The following NOD1 variants were observed in gnomAD, a reference collection of about 807,000 sequenced individuals.
The protein encoded by NOD1 is nucleotide-binding oligomerization domain-containing protein 1.
Under a neutral mutation model 81.2 loss-of-function variants are expected in NOD1, and 70 were observed. That is an observed-to-expected ratio of 0.86 (90% CI 0.71 to 1.05). The LOEUF is 1.05. Among genes scored for constraint, NOD1 ranks in the 50% least tolerant of loss-of-function variants. The probability of loss-of-function intolerance (pLI) is 0.00; values close to 1 mark genes in which losing one functional copy is unlikely to be tolerated. For synonymous variants in NOD1, 508 were observed against 526.9 expected, an observed-to-expected ratio of 0.96 and a Z score of 0.49; for missense variants, 1,233 against 1,228.0, an observed-to-expected ratio of 1.00 and a Z score of -0.06.
chr7:30,446,834 C>T (rs975289741), intron 8 of NOD1, 133 bp downstream of exon 8: 1 of 715,832 alleles, frequency 1.4e-6, no homozygotes, highest in Admixed American at 2.9e-5. Flanking sequence ...GGTATCTTTA[C>T]TTGACCAACA....
chr7:30,465,855 A>T (rs867691563), intron 1 of NOD1, among the ~76,000 whole-genome samples: 4 of 152,214 alleles, frequency 2.6e-5, no homozygotes, highest in Admixed American at 2.0e-4. Context: ...CCATTCTGTA[A>T]GTTTTTCTAC....
At chr7:30,426,705 C>T (rs537567778) in intron 13 of NOD1, among the ~76,000 whole-genome samples, 33 of 152,128 alleles carry the variant, frequency 2.2e-4, no homozygotes, top group Non-Finnish European at 3.8e-4. Flanking sequence ...CCAGTCCCTG[C>T]CTATCTCCTC....
chr7:30,462,360 A>G (rs976768065), intron 1 of NOD1, among the ~76,000 whole-genome samples: 1 of 151,552 alleles, frequency 6.6e-6, no homozygotes, highest in Non-Finnish European at 1.5e-5. Flanking sequence ...GACTCTGAAA[A>G]CTTTCTATTT....
At chr7:30,477,206 C>T (rs911790249) in intron 1 of NOD1, among the ~76,000 whole-genome samples, 2 of 152,224 alleles carry the variant, frequency 1.3e-5, no homozygotes, top group Non-Finnish European at 2.9e-5. Flanking sequence ...ACTCTTCTTA[C>T]AATATTTGAA....
Position 30,460,719 on chromosome 7 carries a change from G to A in NOD1, c.-351-678C>T, listed in dbSNP as rs1276012403. The A allele has an allele frequency of 3.1e-6, 3 of 978,110 alleles. No individual in the cohort carries two copies. In the African/African-American group the frequency reaches 5.3e-5, roughly 17 times the overall value. 60.6% of individuals were successfully genotyped at this position (978,110 alleles called of 1,614,324 possible). On this transcript the variant is annotated intron_variant, in intron 1 of 13. Transcript: ENST00000222823. ...GGGGTAGAGCCTGTGGGCAGTGAGG[G>A]AGCCCCGAAGGGAGCTGGGGGTTGC...
At chr7:30,446,514 C>T in intron 8 of NOD1, 1 of 453,256 alleles carries the variant, frequency 2.2e-6, no homozygotes. Context: ...CACTGACTTC[C>T]CTCGGGAGAC....
In NOD1 at chr7:30,451,175, C is replaced by G. The variant is rs5743348; in HGVS notation, c.2201+41G>C. ...TTCCCGATGCCCTCCGAGCCTGGCC[C>G]GCCCGGCCCACCTGTTGCTCCCCTT... is the stretch of plus-strand genomic sequence containing the variant. On this transcript the variant is annotated intron_variant, in intron 6 of 13. Coordinates refer to ENST00000222823, the MANE Select transcript of NOD1 (RefSeq NM_006092.4). The surrounding 1 kb of genome is among the most constrained non-coding windows in gnomAD (Gnocchi z 4.2). 1 of 1,589,132 alleles carries G rather than the reference C, an allele frequency of 6.3e-7. No individual in the cohort carries two copies. Among genetic ancestry groups the G allele is most frequent in the Non-Finnish European group, 8.6e-7 (1 of 1,167,230 alleles).
chr7:30,473,171 A>T (rs1788441766), intron 1 of NOD1, among the ~76,000 whole-genome samples: 1 of 152,176 alleles, frequency 6.6e-6, no homozygotes, highest in Non-Finnish European at 1.5e-5. Flanking sequence ...CACCTCACTC[A>T]ACTGAGAATT....
intron 11 of NOD1, among the ~76,000 whole-genome samples, chr7:30,434,341 C>G (rs1784202994): frequency 6.6e-6 from 1 of 152,202 alleles, no homozygotes. Context: ...TGTGATTTCA[C>G]TCTCCATGGG....
intron 13 of NOD1, 44 bp downstream of exon 13, chr7:30,429,330 A>G (rs780883361): frequency 1.3e-6 from 2 of 1,506,990 alleles, no homozygotes; most frequent in Non-Finnish European, 1.8e-6. Flanking sequence ...GTGGTGAGTA[A>G]ACAGTCACTG....
chr7:30,451,259 C>G lies in NOD1; in HGVS notation c.2158G>C (p.Val720Leu), dbSNP rs375626697. ...LDNNNLNDYG[V>L]RELQPCFSRL... ...CTGAAGCAGGGCTGCAGCTCCCGCA[C>G]GCCGTAGTCGTTGAGATTGTTGTTG... The change falls in exon 6 of 14, where the codon GTG becomes CTG. Residue 720 changes from valine (V) to leucine (L), a missense_variant. Coordinates refer to ENST00000222823, the MANE Select transcript of NOD1 (RefSeq NM_006092.4). The surrounding 1 kb of genome is among the most constrained non-coding windows in gnomAD (Gnocchi z 4.2). 6 of 1,614,048 alleles carry G rather than the reference C, an allele frequency of 3.7e-6. No individual in the cohort carries two copies. The African/African-American group carries it at 6.7e-5, about 18-fold the overall frequency.
rs1347468865 is a variant in NOD1, at chr7:30,451,843, G to A, written c.1574C>T (p.Thr525Ile). 1.9e-6 allele frequency: 3 copies of A among 1,613,888 alleles called. No homozygotes were observed. Among genetic ancestry groups the A allele is most frequent in the East Asian group, 2.2e-5 (1 of 44,860 alleles). Residue 525 changes from threonine (T) to isoleucine (I), a missense_variant, in exon 6 of 14, where the codon ACA becomes ATA. Physicochemically the swap from Thr to Ile is moderately conservative, Grantham distance 89 (BLOSUM62 -1). Coordinates refer to ENST00000222823, the MANE Select transcript of NOD1 (RefSeq NM_006092.4). This position sits in a 1 kb window ranked among gnomAD's most constrained non-coding sequence, Gnocchi z 4.2. ...GTCGTCCAGCACGAGGAAGAAGGCT[G>A]TAAAGAAGGCCTGGAGGGTGAGGTG... ...FFHLTLQAFF[T>I]AFFLVLDDRV...
chr7:30,446,094 A>C (rs6958571), intron 9 of NOD1, 47 bp downstream of exon 9: 286,487 of 1,333,122 alleles, frequency 0.21, 33,001 homozygotes, highest in Admixed American at 0.34. Flanking sequence ...CCCGCCCCCC[A>C]CACACACAGC....
chr7:30,426,751 C>T (rs1783490403), intron 13 of NOD1, among the ~76,000 whole-genome samples: 1 of 152,148 alleles, frequency 6.6e-6, no homozygotes. Context: ...ACTGTCTGAA[C>T]CCTGGGGCAC....
rs779097164 is a variant in NOD1, at chr7:30,451,638, G to C, written c.1779C>G (p.Cys593Trp). 1.2e-6 allele frequency: 2 copies of C among 1,613,946 alleles called. No homozygotes were observed. Among genetic ancestry groups the C allele is most frequent in the Non-Finnish European group, 1.7e-6 (2 of 1,180,032 alleles). The change falls in exon 6 of 14, where the codon TGC (cysteine) becomes TGG (tryptophan). Residue 593 changes from cysteine to tryptophan, a missense_variant. Coordinates refer to ENST00000222823, the MANE Select transcript of NOD1 (RefSeq NM_006092.4). The surrounding 1 kb of genome is among the most constrained non-coding windows in gnomAD (Gnocchi z 4.2). Reference sequence around the variant, plus strand: ...TCTGTTTGGCTTTGGACAACAGCCCGCACAGGAAGAGGTTGGTGAACTGGA... The same window carrying C: ...TCTGTTTGGCTTTGGACAACAGCCCCCACAGGAAGAGGTTGGTGAACTGGA... ...DHFQFTNLFLCGLLSKAKQKL... is the reference protein window; with the variant it reads ...DHFQFTNLFLWGLLSKAKQKL...
At chr7:30,458,830 G>A (rs563533427) in intron 3 of NOD1, among the ~76,000 whole-genome samples, 1 of 150,454 alleles carries the variant, frequency 6.6e-6, no homozygotes, top group Admixed American at 6.6e-5. Flanking sequence ...TCTGCCTCCT[G>A]AGCTCAAGCA....
At chr7:30,428,105 T>C (rs1783619060) in intron 13 of NOD1, among the ~76,000 whole-genome samples, 1 of 152,116 alleles carries the variant, frequency 6.6e-6, no homozygotes. Context: ...TGAGACAGGG[T>C]CTCTGGCACC....
chr7:30,425,753 A>C (rs1268857403), intron 13 of NOD1, 43 bp from the exon 14 acceptor site: 1 of 1,393,288 alleles, frequency 7.2e-7, no homozygotes, highest in Non-Finnish European at 1.0e-6. Flanking sequence ...GTAAAATGTT[A>C]AGGATCCTCG....
At chr7:30,439,735 G>A (rs1313707322) in intron 9 of NOD1, among the ~76,000 whole-genome samples, 47 of 80,332 alleles carry the variant, frequency 5.9e-4, no homozygotes, top group Non-Finnish European at 8.7e-4. Flanking sequence ...CGGGAAGCTC[G>A]AACTGGGTGG....
Sources: gnomAD v4.1 joint callset for allele counts (sites outside exome capture counted in the v4.1 genomes callset) on GRCh38, gnomAD v4.1.1 for gene constraint, Gnocchi (gnomAD v3.1) non-coding constraint, MANE v1.5 for transcripts, NCBI Gene and HGNC (gene_info 2026-07-23, HGNC 2026-07-21) for gene names.